TNFSF4: variants seen among roughly 807,000 people sequenced by gnomAD.
TNFSF4 encodes the protein tumor necrosis factor ligand superfamily member 4.
TNFSF4 carries 4 observed loss-of-function variants against 7.3 expected under a neutral mutation model. The ratio of observed to expected loss-of-function variants is 0.55; its 90% CI spans 0.27 to 1.25. TNFSF4 has a LOEUF of 1.25. Ranked by LOEUF, TNFSF4 falls within the 50% of genes most tolerant of loss-of-function variation. TNFSF4 has a pLI of 0.12. For synonymous variants in TNFSF4, 76 were observed against 83.7 expected (o/e 0.91, Z 0.50); for missense variants, 181 against 208.8 (o/e 0.87, Z 0.82).
chr1:173,212,430 A>G, the TNFSF4 span, among the ~76,000 whole-genome samples: 5 of 152,122 alleles, frequency 3.3e-5, no homozygotes, highest in Admixed American at 3.3e-4. Flanking sequence ...ATTACTTTCT[A>G]TGATAGGAAG....
At chr1:173,443,766 C>A in the TNFSF4 span, among the ~76,000 whole-genome samples, 1 of 152,126 alleles carries the variant, frequency 6.6e-6, no homozygotes, top group Non-Finnish European at 1.5e-5. Flanking sequence ...CCTTGCTCCA[C>A]CAATATCATA....
the TNFSF4 span, among the ~76,000 whole-genome samples, chr1:173,352,700 A>T: frequency 7.9e-5 from 12 of 152,346 alleles, no homozygotes; most frequent in South Asian, 1.4e-3. Flanking sequence ...ACGCATTGTC[A>T]TTGATAAACC....
the TNFSF4 span, among the ~76,000 whole-genome samples, chr1:173,258,872 CT>C: frequency 9.9e-5 from 15 of 152,206 alleles, no homozygotes; most frequent in Non-Finnish European, 2.2e-4. Context: ...GATGGAGCCC[CT>C]GATGGAAGGA....
the TNFSF4 span, among the ~76,000 whole-genome samples, chr1:173,319,454 G>C: frequency 2.0e-5 from 3 of 152,206 alleles, no homozygotes; most frequent in Non-Finnish European, 2.9e-5. Flanking sequence ...ACTCTGAAGA[G>C]AGCAGCTGAT....
At chr1:173,226,465 A>G in the TNFSF4 span, among the ~76,000 whole-genome samples, 1 of 152,202 alleles carries the variant, frequency 6.6e-6, no homozygotes, top group African/African-American at 2.4e-5. Flanking sequence ...ATCTCTCCCT[A>G]TGAGAAATTA....
Position 173,186,755 on chromosome 1 carries a change from G to A in TNFSF4, c.313C>T (p.Leu105=), listed in dbSNP as rs1649243866. The change falls in exon 3 of 3, where the codon CTG becomes TTG. Residue 105 remains leucine, a synonymous_variant. Transcript: ENST00000281834. The part of the protein sequence containing the change: ...INCDGFYLIS[L]KGYFSQEVNI... Reference sequence around the variant, plus strand: ...ACTTCCTGGGAGAAGTAGCCCTTCAGGGAGATGAGATAAAACCCATCACAG... The same window carrying A: ...ACTTCCTGGGAGAAGTAGCCCTTCAAGGAGATGAGATAAAACCCATCACAG... 2.5e-6 allele frequency: 4 copies of A among 1,614,016 alleles called. No homozygotes were observed. Among genetic ancestry groups the A allele is most frequent in the Non-Finnish European group, 3.4e-6 (4 of 1,180,016 alleles).
chr1:173,252,502 G>A, the TNFSF4 span, among the ~76,000 whole-genome samples: 1 of 151,874 alleles, frequency 6.6e-6, no homozygotes, highest in East Asian at 1.9e-4. Context: ...ATAATTATCT[G>A]TGCAATACTA....
At chr1:173,412,117 G>GGA in the TNFSF4 span, among the ~76,000 whole-genome samples, 1 of 120,472 alleles carries the variant, frequency 8.3e-6, no homozygotes, top group Non-Finnish European at 1.6e-5. Context: ...TCCATCTCAA[G>GGA]AAAAAAAAAA....
At chr1:173,328,871 T>C in the TNFSF4 span, among the ~76,000 whole-genome samples, 1 of 152,062 alleles carries the variant, frequency 6.6e-6, no homozygotes. Flanking sequence ...AAAAAAAATG[T>C]TTTGTACCTT....
the TNFSF4 span, among the ~76,000 whole-genome samples, chr1:173,403,149 G>A: frequency 1.3e-5 from 2 of 152,164 alleles, no homozygotes; most frequent in Admixed American, 6.5e-5. Flanking sequence ...ACCACACCTG[G>A]CCCAAGAATT....
the TNFSF4 span, among the ~76,000 whole-genome samples, chr1:173,409,998 C>T: frequency 6.6e-6 from 1 of 152,164 alleles, no homozygotes; most frequent in African/African-American, 2.4e-5. Context: ...GGTGCAGTGG[C>T]TCACACCTAC....
At chr1:173,289,636 C>T in the TNFSF4 span, among the ~76,000 whole-genome samples, 2 of 151,902 alleles carry the variant, frequency 1.3e-5, no homozygotes, top group Non-Finnish European at 1.5e-5. Context: ...AATTAACAAA[C>T]AATAAGCTCA....
the TNFSF4 span, among the ~76,000 whole-genome samples, chr1:173,240,985 C>A: frequency 2.0e-5 from 3 of 152,288 alleles, no homozygotes; most frequent in Non-Finnish European, 4.4e-5. Flanking sequence ...AATTGTCTAG[C>A]CACAACATTT....
chr1:173,377,874 C>G, the TNFSF4 span, among the ~76,000 whole-genome samples: 2 of 152,202 alleles, frequency 1.3e-5, no homozygotes, highest in Non-Finnish European at 2.9e-5. Context: ...TCTTCCAACT[C>G]TGAAGATCCC....
chr1:173,377,372 G>A, the TNFSF4 span, among the ~76,000 whole-genome samples: 33 of 152,234 alleles, frequency 2.2e-4, no homozygotes, highest in Admixed American at 8.5e-4. Context: ...AACAACCCCC[G>A]AGCCAGATTG....
chr1:173,210,335 T>A (rs1650331247), upstream of TNFSF4, among the ~76,000 whole-genome samples: 1 of 152,168 alleles, frequency 6.6e-6, no homozygotes, highest in South Asian at 2.1e-4. Context: ...GGTGCTAATC[T>A]ACACTGGAAT....
chr1:173,212,402 C>T, the TNFSF4 span, among the ~76,000 whole-genome samples: 1 of 152,110 alleles, frequency 6.6e-6, no homozygotes, highest in South Asian at 2.1e-4. Flanking sequence ...TAAACAACCA[C>T]TGAAGGTCTC....
At chr1:173,385,879 T>C in the TNFSF4 span, among the ~76,000 whole-genome samples, 1 of 151,456 alleles carries the variant, frequency 6.6e-6, no homozygotes, top group African/African-American at 2.4e-5. Context: ...ATCAGAAGGG[T>C]AGCAAAACTT....
upstream of TNFSF4, chr1:173,207,362 C>T (rs532958366): frequency 1.1e-4 from 48 of 453,008 alleles, no homozygotes; most frequent in African/African-American, 7.6e-4. Flanking sequence ...TCAGTTTTAA[C>T]GCTGCAACTT....
Sources: gnomAD v4.1 joint callset for allele counts (sites outside exome capture counted in the v4.1 genomes callset) on GRCh38, gnomAD v4.1.1 for gene constraint, MANE v1.5 for transcripts, NCBI Gene and HGNC (gene_info 2026-07-23, HGNC 2026-07-21) for gene names.